HSPB8: variants seen among roughly 807,000 people sequenced by gnomAD.
HSPB8 encodes heat shock protein beta-8.
HSPB8 carries 9 observed loss-of-function variants against 16.5 expected under a neutral mutation model. The observed-to-expected ratio is 0.55, with a 90% CI of 0.33 to 0.95. HSPB8 has a LOEUF of 0.95. Among genes scored for constraint, HSPB8 ranks in the 40% least tolerant of loss-of-function variants. HSPB8 has a pLI of 0.03. For synonymous variants in HSPB8, 99 were observed against 94.8 expected (o/e 1.04, Z -0.26); for missense variants, 238 against 251.2 (o/e 0.95, Z 0.35).
chr12:119,181,417 G>A (rs1179346189), intron 1 of HSPB8, among the ~76,000 whole-genome samples: 1 of 152,202 alleles, frequency 6.6e-6, no homozygotes, highest in Non-Finnish European at 1.5e-5. Flanking sequence ...GCATTCTTTT[G>A]AGTTTCTGAT....
chr12:119,193,524 T>C (rs1446183792), intron 2 of HSPB8, among the ~76,000 whole-genome samples, 175 bp from the exon 3 acceptor site: 2 of 152,230 alleles, frequency 1.3e-5, no homozygotes, highest in African/African-American at 4.8e-5. Flanking sequence ...TCAGAGCAAC[T>C]GAATAATCTT....
intron 2 of HSPB8, among the ~76,000 whole-genome samples, chr12:119,192,526 G>A (rs1431801355): frequency 6.6e-6 from 1 of 152,032 alleles, no homozygotes; most frequent in Non-Finnish European, 1.5e-5. Context: ...ATGGTGGTGG[G>A]TGTCTGTAAT....
At chr12:119,187,627 G>C (rs1468120638) in intron 2 of HSPB8, among the ~76,000 whole-genome samples, 4 of 152,132 alleles carry the variant, frequency 2.6e-5, no homozygotes, top group Non-Finnish European at 5.9e-5. Flanking sequence ...CAAAGTGCTG[G>C]GATTAGAGGC....
chr12:119,183,995 C>G (rs1954656090), intron 1 of HSPB8, among the ~76,000 whole-genome samples: 1 of 152,172 alleles, frequency 6.6e-6, no homozygotes, highest in African/African-American at 2.4e-5. Context: ...CCTACGGTAA[C>G]CCGGTAAGAT....
At chr12:119,180,191 G>C (rs1187152035) in intron 1 of HSPB8, among the ~76,000 whole-genome samples, 1 of 152,210 alleles carries the variant, frequency 6.6e-6, no homozygotes, top group Non-Finnish European at 1.5e-5. Context: ...TGGTAACTCT[G>C]AGTGCTAACT....
rs536755040 is a variant in HSPB8, at chr12:119,182,114, G to C, written c.367+2435G>C. 2.0e-5 allele frequency: 3 copies of C among 152,248 alleles called. No homozygotes were observed. The South Asian group carries it at 6.2e-4, about 32-fold the overall frequency. The allele number at this position is 152,248 out of a possible 1,614,324, so 9.4% of individuals were successfully genotyped here. A position where few individuals can be genotyped will look rare whatever the true frequency, so the allele number is the denominator to read the frequency against. On this transcript the variant is annotated intron_variant, in intron 1 of 2. Coordinates refer to ENST00000281938, the MANE Select transcript of HSPB8 (RefSeq NM_014365.3). ...GTGGGGTCTGGCAGCTCCATGTTGA[G>C]ATCTCAGCTAAGTATCTTACTAATC...
chr12:119,184,391 A>T (rs983495350), intron 1 of HSPB8, among the ~76,000 whole-genome samples: 3 of 152,186 alleles, frequency 2.0e-5, no homozygotes, highest in African/African-American at 7.2e-5. Flanking sequence ...TATTCCCAGG[A>T]CACCAGCATG....
chr12:119,188,699 G>A (rs1331166106), intron 2 of HSPB8, among the ~76,000 whole-genome samples: 1 of 152,164 alleles, frequency 6.6e-6, no homozygotes, highest in Admixed American at 6.5e-5. Context: ...GAATTTAGAA[G>A]GGCCCAGAAT....
chr12:119,181,002 C>A (rs1954633261), intron 1 of HSPB8, among the ~76,000 whole-genome samples: 1 of 152,210 alleles, frequency 6.6e-6, no homozygotes, highest in Non-Finnish European at 1.5e-5. Context: ...CTGGCTCCAA[C>A]TTTAACCAGC....
chr12:119,192,845 G>T (rs1029813551), intron 2 of HSPB8, among the ~76,000 whole-genome samples: 1 of 152,064 alleles, frequency 6.6e-6, no homozygotes, highest in South Asian at 2.1e-4. Flanking sequence ...TGAAAGGCAC[G>T]TCTTACATGG....
intron 1 of HSPB8, among the ~76,000 whole-genome samples, chr12:119,180,433 G>A (rs1261436306): frequency 6.6e-6 from 1 of 152,168 alleles, no homozygotes; most frequent in African/African-American, 2.4e-5. Context: ...GCCAAGGGTG[G>A]GCTGACATTC....
At chr12:119,186,560 C>A (rs1442327542) in intron 1 of HSPB8, among the ~76,000 whole-genome samples, 1 of 152,128 alleles carries the variant, frequency 6.6e-6, no homozygotes, top group Non-Finnish European at 1.5e-5. Context: ...GGAAAGCACT[C>A]TGTTAGCTAT....
intron 1 of HSPB8, among the ~76,000 whole-genome samples, chr12:119,186,447 A>G (rs1371887438): frequency 6.6e-6 from 1 of 152,210 alleles, no homozygotes; most frequent in African/African-American, 2.4e-5. Context: ...GCTGATTCAA[A>G]GCTCAGAGCC....
At chr12:119,187,428 C>G (rs1052888084) in intron 2 of HSPB8, among the ~76,000 whole-genome samples, 1 of 152,144 alleles carries the variant, frequency 6.6e-6, no homozygotes, top group Admixed American at 6.5e-5. Flanking sequence ...GATCCCAGCT[C>G]ACTGCAACCT....
intron 1 of HSPB8, among the ~76,000 whole-genome samples, chr12:119,180,829 C>T (rs961578409): frequency 1.3e-5 from 2 of 152,246 alleles, no homozygotes; most frequent in East Asian, 1.9e-4. Context: ...AGGAACAAGC[C>T]CCAGCAGCAT....
chr12:119,186,630 C>T (rs1400692840), intron 1 of HSPB8, among the ~76,000 whole-genome samples: 1 of 152,182 alleles, frequency 6.6e-6, no homozygotes, highest in Non-Finnish European at 1.5e-5. Context: ...GCCTGCCATC[C>T]AGTCTGGGAT....
At chr12:119,188,610 G>GGA (rs1293025747) in intron 2 of HSPB8, among the ~76,000 whole-genome samples, 7 of 152,242 alleles carry the variant, frequency 4.6e-5, no homozygotes, top group African/African-American at 1.7e-4. Context: ...GCATCGGAGA[G>GGA]GAGACATGAC....
chr12:119,186,695 TGGAAGATTTGGTACAACACA>T, intron 1 of HSPB8: 1 of 233,248 alleles, frequency 4.3e-6, no homozygotes, highest in Non-Finnish European at 8.9e-6. Flanking sequence ...GTGGGAGACT[TGGAAGATTTGGTACAACACA>T]TGGAAGATTT....
intron 2 of HSPB8, 46 bp from the exon 3 acceptor site, chr12:119,193,653 G>A (rs777634941): frequency 3.8e-6 from 6 of 1,589,740 alleles, no homozygotes; most frequent in Non-Finnish European, 4.3e-6. Flanking sequence ...GAATGTTTAA[G>A]CAATATTAAC....
Sources: allele counts gnomAD v4.1 joint callset (sites outside exome capture counted in the v4.1 genomes callset), GRCh38; gene constraint gnomAD v4.1.1; transcripts MANE v1.5; gene names NCBI Gene and HGNC (gene_info 2026-07-23, HGNC 2026-07-21).